Variants in HK2 observed in about 807,000 individuals in gnomAD.
HK2 encodes hexokinase 2.
A neutral mutation model predicts 92.9 loss-of-function variants in HK2; 42 were observed. The ratio of observed to expected loss-of-function variants is 0.45; its 90% CI spans 0.35 to 0.58. The LOEUF (loss-of-function observed/expected upper bound fraction) is 0.58. HK2 is among the 20% of genes least tolerant of loss of function. HK2 has a pLI of 0.00. For synonymous variants in HK2, 422 were observed against 468.0 expected (o/e 0.90, Z 1.27); for missense variants, 978 against 1,245.1 (o/e 0.79, Z 3.23).
At chr2:74,869,234 A>G (rs1021636449) in intron 3 of HK2, among the ~76,000 whole-genome samples, 2 of 152,216 alleles carry the variant, frequency 1.3e-5, no homozygotes, top group Non-Finnish European at 2.9e-5. Context: ...AAAGAAAGCT[A>G]GAAGAAAATA....
At chr2:74,867,878 A>G in intron 3 of HK2, 94 bp downstream of exon 3, 1 of 1,435,452 alleles carries the variant, frequency 7.0e-7, no homozygotes, top group East Asian at 2.3e-5. Flanking sequence ...GCGTGTGGAT[A>G]GGCAGTCACC....
At chr2:74,840,771 T>A (rs956943923) in intron 1 of HK2, among the ~76,000 whole-genome samples, 2 of 148,438 alleles carry the variant, frequency 1.3e-5, no homozygotes, top group Admixed American at 1.4e-4. Flanking sequence ...CCCAGCTACT[T>A]GGGAGGCTGA....
At chr2:74,838,311 G>A (rs1459398868) in intron 1 of HK2, among the ~76,000 whole-genome samples, 1 of 152,154 alleles carries the variant, frequency 6.6e-6, no homozygotes, top group African/African-American at 2.4e-5. Context: ...GCTGCAGGAA[G>A]TGGAGGAGCT....
chr2:74,855,845 G>A (rs188017670), intron 2 of HK2, among the ~76,000 whole-genome samples: 89 of 152,286 alleles, frequency 5.8e-4, no homozygotes, highest in African/African-American at 1.8e-3. Context: ...GGTGGGGCCC[G>A]GCTGTTGAGC....
At chr2:74,863,983 C>T (rs1421647169) in intron 2 of HK2, among the ~76,000 whole-genome samples, 1 of 152,232 alleles carries the variant, frequency 6.6e-6, no homozygotes, top group Non-Finnish European at 1.5e-5. Context: ...GGATCAAATA[C>T]AGTCCAGTGT....
intron 7 of HK2, among the ~76,000 whole-genome samples, 171 bp downstream of exon 7, chr2:74,874,620 CAG>C (rs1185901484): frequency 2.0e-5 from 3 of 152,178 alleles, no homozygotes; most frequent in African/African-American, 4.8e-5. Flanking sequence ...GGATCTAAAA[CAG>C]AGAGCAAGCG....
intron 12 of HK2, among the ~76,000 whole-genome samples, chr2:74,883,144 T>A (rs4853067): frequency 0.34 from 52,132 of 152,010 alleles, 9,823 homozygotes; most frequent in Middle Eastern, 0.57. Flanking sequence ...TGTGTCTCTG[T>A]CTCAGTCATG....
chr2:74,878,459 G>C (rs75675550), intron 8 of HK2, among the ~76,000 whole-genome samples: 1 of 151,244 alleles, frequency 6.6e-6, no homozygotes, highest in African/African-American at 2.5e-5. Context: ...ATGCGTGTGC[G>C]TGTGTGTGTG....
In HK2 at chr2:74,881,852, G is replaced by A; in HGVS notation, c.1712G>A (p.Gly571Glu). The A allele has an allele frequency of 6.2e-7, 1 of 1,614,194 alleles. No individual in the cohort carries two copies. ...CCGCAGGAGGTCATGCACGGCACCG[G>A]GGACGAGGTGAGCAGGGCGGCGCCT... ...AIPQEVMHGT[G>E]DELFDHIVQC... Residue 571 changes from glycine to glutamate, a missense_variant, in exon 11 of 18, where the codon GGG becomes GAG. This residue lies in a region of HK2 where 742 missense variants were observed against 922.5 expected (regional missense o/e 0.80). Transcript: ENST00000290573.
chr2:74,868,487 C>T lies in HK2; in HGVS notation c.375+703C>T, dbSNP rs1020990710. Among the ~76,000 whole-genome samples, 58 of 151,846 alleles carry T rather than the reference C, an allele frequency of 3.8e-4. 1 individual carries two copies. The highest frequency in any genetic ancestry group is 3.6e-3 in the Admixed American group (55 of 15,272). On this transcript the variant is annotated intron_variant, in intron 3 of 17. Transcript: ENST00000290573. The stretch of plus-strand genomic sequence containing the variant: ...ATCTGTAAAAAGGGATGATAGTGTA[C>T]GGATTGTGGTGTAGATTAGAGGAGA...
intron 7 of HK2, among the ~76,000 whole-genome samples, chr2:74,875,395 C>A (rs1284571206): frequency 1.5e-5 from 2 of 135,532 alleles, no homozygotes; most frequent in African/African-American, 5.6e-5. Flanking sequence ...ATGGCGCAAT[C>A]TTGGCTCACC....
chr2:74,874,488 GC>G (rs1689179409), intron 7 of HK2, 39 bp downstream of exon 7: 1 of 1,552,610 alleles, frequency 6.4e-7, no homozygotes, highest in South Asian at 1.2e-5. Context: ...CTTGGCGGGG[GC>G]CTGGAGCTGA....
chr2:74,862,033 CTG>C (rs2103915560), intron 2 of HK2, among the ~76,000 whole-genome samples: 1 of 152,308 alleles, frequency 6.6e-6, no homozygotes, highest in East Asian at 1.9e-4. Context: ...AACCATGATG[CTG>C]ATGGTGACGG....
chr2:74,873,798 C>T (rs370256389), intron 5 of HK2, 46 bp from the exon 6 acceptor site: 10 of 1,335,178 alleles, frequency 7.5e-6, no homozygotes, highest in African/African-American at 5.8e-5. Flanking sequence ...AGGAAAGTCG[C>T]CCTCTGTGAT....
intron 2 of HK2, among the ~76,000 whole-genome samples, chr2:74,865,951 G>A (rs939252540): frequency 6.6e-6 from 1 of 152,094 alleles, no homozygotes; most frequent in Non-Finnish European, 1.5e-5. Flanking sequence ...GAGATGCAAT[G>A]TTCCCATTTT....
chr2:74,879,999 G>C (rs1689341336), intron 9 of HK2, among the ~76,000 whole-genome samples: 1 of 152,198 alleles, frequency 6.6e-6, no homozygotes, highest in Non-Finnish European at 1.5e-5. Flanking sequence ...AGGAGGTCTT[G>C]TGTGGCTGCA....
At position 74,880,452 on chromosome 2, in the gene HK2, C is replaced by T. The variant is rs201857677; in HGVS notation, c.1453C>T (p.Leu485=). The change falls in exon 10 of 18, where the codon CTG becomes TTG. Residue 485 remains leucine, a synonymous_variant. Coordinates refer to ENST00000290573, the MANE Select transcript of HK2 (RefSeq NM_000189.5). The part of the protein sequence containing the change: ...EHLQLSHDQL[L]EVKRRMKVEM... ...TCTGCAGCTGAGCCATGACCAGCTGCTGGAGGTCAAGAGGAGGATGAAGGT... is the reference window on the plus strand; with the variant it reads ...TCTGCAGCTGAGCCATGACCAGCTGTTGGAGGTCAAGAGGAGGATGAAGGT... 6.2e-7 allele frequency: 1 copy of T among 1,614,202 alleles called. No individual in the cohort carries two copies.
intron 2 of HK2, among the ~76,000 whole-genome samples, chr2:74,862,539 G>A (rs955638440): frequency 1.3e-5 from 2 of 152,234 alleles, no homozygotes; most frequent in Non-Finnish European, 2.9e-5. Flanking sequence ...GATAAAGGGA[G>A]ACCGGGCTGG....
intron 1 of HK2, among the ~76,000 whole-genome samples, chr2:74,844,798 C>T (rs934669502): frequency 6.6e-6 from 1 of 152,232 alleles, no homozygotes; most frequent in Non-Finnish European, 1.5e-5. Flanking sequence ...AGTGTGGGCG[C>T]CAGCCTGAAG....
Sources: gnomAD v4.1 joint callset for allele counts (sites outside exome capture counted in the v4.1 genomes callset) on GRCh38, gnomAD v4.1.1 for gene constraint, gnomAD v4.1.1 regional missense constraint, MANE v1.5 for transcripts, NCBI Gene and HGNC (gene_info 2026-07-23, HGNC 2026-07-21) for gene names.